Variants in SLC30A9 observed in about 807,000 individuals in gnomAD.
The protein encoded by SLC30A9 is solute carrier family 30 member 9.
SLC30A9 carries 58 observed loss-of-function variants against 87.5 expected under a neutral mutation model. The ratio of observed to expected loss-of-function variants is 0.66; its 90% confidence interval spans 0.54 to 0.82. The LOEUF (loss-of-function observed/expected upper bound fraction) is 0.82, where lower values mean the gene tolerates loss of function less well. Ranked by LOEUF, SLC30A9 falls within the 40% of genes least tolerant of loss-of-function variation. The pLI, the probability that SLC30A9 is intolerant of heterozygous loss-of-function variation, is 0.00. For missense variants in SLC30A9, 557 were observed against 679.1 expected, an observed-to-expected ratio of 0.82 and a Z score of 2.00; for synonymous variants, 234 against 233.0, an observed-to-expected ratio of 1.00 and a Z score of -0.04.
intron 1 of SLC30A9, among the ~76,000 whole-genome samples, chr4:41,999,900 A>G (rs1057319539): frequency 6.6e-6 from 1 of 152,110 alleles, no homozygotes; most frequent in African/African-American, 2.4e-5. Context: ...TTTGTCTCTT[A>G]TAAATACATA....
rs752706454 is a variant in SLC30A9 at position 42,018,117 on chromosome 4, G to A, written c.281G>A (p.Gly94Asp). 1 of 1,537,504 alleles carries A rather than the reference G, an allele frequency of 6.5e-7. No individual in the cohort carries two copies. Among genetic ancestry groups the A allele is most frequent in the Admixed American group, 1.7e-5 (1 of 58,630 alleles). ...EKVPSFETAE[G>D]IGTELKAPLK... is the part of the protein sequence containing the mutation. ...CTTTTAATAAACTTTACAGCAGAAG[G>A]TATAGGCACAGAACTCAAAGCTCCA... Residue 94 changes from glycine (G) to aspartate (D), a missense_variant, in exon 3 of 18, where the codon GGT becomes GAT. Coordinates refer to ENST00000264451, the MANE Select transcript of SLC30A9 (RefSeq NM_006345.4).
chr4:42,055,365 A>G (rs1313835061), intron 9 of SLC30A9, among the ~76,000 whole-genome samples: 1 of 145,914 alleles, frequency 6.9e-6, no homozygotes, highest in East Asian at 2.1e-4. Flanking sequence ...TGTGTCTCTA[A>G]TTATAATGTA....
chr4:41,998,476 G>C (rs201137052), intron 1 of SLC30A9, among the ~76,000 whole-genome samples: 1 of 114,514 alleles, frequency 8.7e-6, no homozygotes, highest in African/African-American at 2.8e-5. Flanking sequence ...TTTTTTGTTT[G>C]TTTTTGAGAT....
intron 1 of SLC30A9, among the ~76,000 whole-genome samples, chr4:41,993,286 A>G (rs1577672791): frequency 6.6e-6 from 1 of 152,108 alleles, no homozygotes; most frequent in South Asian, 2.1e-4. Context: ...ATCTTTTTGT[A>G]CTGTCTTTAA....
intron 13 of SLC30A9, 63 bp downstream of exon 13, chr4:42,066,684 C>A: frequency 1.9e-6 from 2 of 1,048,422 alleles, no homozygotes; most frequent in Non-Finnish European, 2.9e-6. Context: ...TTACTTAGTA[C>A]TGTTATTGCT....
At chr4:42,065,571 G>T (rs764375152) in intron 12 of SLC30A9, among the ~76,000 whole-genome samples, 1 of 152,166 alleles carries the variant, frequency 6.6e-6, no homozygotes, top group Non-Finnish European at 1.5e-5. Context: ...CCTGCCATGG[G>T]ATGGCATCCT....
chr4:41,999,213 A>G (rs2153132678), intron 1 of SLC30A9, among the ~76,000 whole-genome samples: 1 of 152,334 alleles, frequency 6.6e-6, no homozygotes, highest in South Asian at 2.1e-4. Context: ...TGGGTAATTA[A>G]CGTATTATTT....
At chr4:41,993,123 TGAATTAATTTTAATATATCCTA>T (rs1377783080) in intron 1 of SLC30A9, among the ~76,000 whole-genome samples, 37 of 151,590 alleles carry the variant, frequency 2.4e-4, no homozygotes, top group Admixed American at 2.0e-3. Context: ...AAATTAAAGA[TGAATTAATTTTAATATATCCTA>T]GAATTAATTT....
chr4:42,068,777 A>T (rs563849790), intron 14 of SLC30A9, among the ~76,000 whole-genome samples: 1 of 77,286 alleles, frequency 1.3e-5, no homozygotes, highest in South Asian at 6.3e-4. Context: ...TTGGTAGCTA[A>T]TTAAGTGTTT....
chr4:42,032,138 A>C (rs1716470379), intron 6 of SLC30A9, among the ~76,000 whole-genome samples: 4 of 152,136 alleles, frequency 2.6e-5, no homozygotes, highest in African/African-American at 9.7e-5. Flanking sequence ...GAACGAACTC[A>C]CCAGTCGTGA....
In SLC30A9 at chr4:42,060,142, C is replaced by T. The variant is rs370561157; in HGVS notation, c.841-49C>T. The T allele has an allele frequency of 4.8e-5, 68 of 1,412,426 alleles. 1 individual carries two copies. The highest frequency in any genetic ancestry group is 4.8e-4 in the East Asian group (21 of 43,904). 87.5% of individuals were successfully genotyped at this position (1,412,426 alleles called of 1,614,324 possible). On this transcript the variant is annotated intron_variant, in intron 9 of 17. Coordinates refer to ENST00000264451, the MANE Select transcript of SLC30A9 (RefSeq NM_006345.4). ...TCCACATTGGCTTTACCATATTATA[C>T]TCTCCATCTTGCTAATGATTATTCA...
At chr4:42,023,510 A>G (rs1229546942) in intron 6 of SLC30A9, 126 bp downstream of exon 6, 5 of 587,050 alleles carry the variant, frequency 8.5e-6, no homozygotes, top group African/African-American at 5.6e-5. Flanking sequence ...AGCAAATGCT[A>G]GTTTCCGTTT....
At chr4:42,007,221 T>C (rs1312617270) in intron 2 of SLC30A9, among the ~76,000 whole-genome samples, 1 of 152,096 alleles carries the variant, frequency 6.6e-6, no homozygotes, top group Non-Finnish European at 1.5e-5. Flanking sequence ...ATCTGGGGGA[T>C]GAAGAAGAGG....
intron 9 of SLC30A9, among the ~76,000 whole-genome samples, chr4:42,058,122 C>A (rs944668687): frequency 3.0e-5 from 4 of 133,392 alleles, no homozygotes; most frequent in African/African-American, 1.1e-4. Flanking sequence ...AAAAAAAAAA[C>A]TGAATTCCTT....
intron 14 of SLC30A9, among the ~76,000 whole-genome samples, chr4:42,068,451 C>T (rs1304765232): frequency 1.3e-5 from 2 of 152,166 alleles, no homozygotes; most frequent in Non-Finnish European, 2.9e-5. Context: ...CCATATTGGT[C>T]AGGCTGATCT....
At chr4:41,994,847 G>C (rs939882303) in intron 1 of SLC30A9, among the ~76,000 whole-genome samples, 1 of 119,162 alleles carries the variant, frequency 8.4e-6, no homozygotes, top group Non-Finnish European at 1.8e-5. Context: ...AAAAAAAAAA[G>C]ACCATTTAGA....
At chr4:42,018,388 GC>G in intron 3 of SLC30A9, 1 of 1,299,606 alleles carries the variant, frequency 7.7e-7, no homozygotes, top group South Asian at 1.3e-5. Context: ...TTTTTCAAAA[GC>G]CCAAGAAAGG....
intron 2 of SLC30A9, among the ~76,000 whole-genome samples, chr4:42,005,449 C>G (rs1039067542): frequency 6.6e-6 from 1 of 152,102 alleles, no homozygotes; most frequent in African/African-American, 2.4e-5. Flanking sequence ...ACAGATAGGC[C>G]AGCTTACTTG....
intron 15 of SLC30A9, among the ~76,000 whole-genome samples, chr4:42,073,446 T>A (rs1364562317): frequency 6.6e-6 from 1 of 152,246 alleles, no homozygotes; most frequent in African/African-American, 2.4e-5. Flanking sequence ...ACAATTTTTT[T>A]AAACAGTATA....
Sources: gnomAD v4.1 joint callset for allele counts (sites outside exome capture counted in the v4.1 genomes callset) on GRCh38, gnomAD v4.1.1 for gene constraint, MANE v1.5 for transcripts, NCBI Gene and HGNC (gene_info 2026-07-23, HGNC 2026-07-21) for gene names.